Variants in FRY observed in about 807,000 individuals in gnomAD.
FRY encodes the protein protein furry homolog.
FRY carries 128 observed loss-of-function variants against 348.4 expected under a neutral mutation model. The ratio of observed to expected loss-of-function variants is 0.37; its 90% CI spans 0.32 to 0.43. FRY has a LOEUF of 0.43. Ranked by LOEUF, FRY falls within the 20% of genes least tolerant of loss-of-function variation. The pLI is 1.00. For missense variants in FRY, 2,736 were observed against 3,695.2 expected (o/e 0.74, Z 6.73); for synonymous variants, 1,370 against 1,374.7 (o/e 1.00, Z 0.08).
At chr13:32,056,428 G>A (rs1873626168) in intron 1 of FRY, among the ~76,000 whole-genome samples, 1 of 152,134 alleles carries the variant, frequency 6.6e-6, no homozygotes, top group South Asian at 2.1e-4. Flanking sequence ...TTTGTTTGCT[G>A]GATATGTCTT....
chr13:32,219,500 T>A (rs1308055621), intron 36 of FRY, among the ~76,000 whole-genome samples: 1 of 150,148 alleles, frequency 6.7e-6, no homozygotes, highest in Non-Finnish European at 1.5e-5. Context: ...GGCTCACGCC[T>A]GTAATCCCAG....
chr13:32,248,593 C>T (rs1886919944), intron 48 of FRY, among the ~76,000 whole-genome samples: 1 of 152,070 alleles, frequency 6.6e-6, no homozygotes, highest in Non-Finnish European at 1.5e-5. Flanking sequence ...TTATGTAGGT[C>T]ATATCCAAGT....
intron 46 of FRY, among the ~76,000 whole-genome samples, chr13:32,241,387 A>G (rs1450698538): frequency 6.6e-6 from 1 of 152,242 alleles, no homozygotes; most frequent in Non-Finnish European, 1.5e-5. Flanking sequence ...GCTAAGTGAA[A>G]TAGGCCAGAG....
chr13:32,084,083 G>A (rs561708560), intron 2 of FRY, among the ~76,000 whole-genome samples: 121 of 151,982 alleles, frequency 8.0e-4, no homozygotes, highest in African/African-American at 2.7e-3. Context: ...CACTTACTCC[G>A]TGTGAGCTTT....
At position 32,267,703 on chromosome 13, in the gene FRY, T is replaced by G. The variant is rs1268574802; in HGVS notation, c.8136+344T>G. 2.6e-5 allele frequency among the ~76,000 whole-genome samples: 4 copies of G among 152,322 alleles called. No homozygotes were observed. In the East Asian group the frequency reaches 5.8e-4, roughly 22 times the overall value. On this transcript the variant is annotated intron_variant, in intron 55 of 60. Transcript: ENST00000542859. ...ATCCCACCCCCCTTTACCTCTCTTT[T>G]GTTTTTATTATTTTTATCTTTCCTT...
chr13:32,155,301 A>C (rs1881045337), intron 14 of FRY, among the ~76,000 whole-genome samples, 190 bp from the exon 15 acceptor site: 1 of 152,212 alleles, frequency 6.6e-6, no homozygotes, highest in Non-Finnish European at 1.5e-5. Flanking sequence ...GTTTTCTTAT[A>C]ATGCAACAAG....
intron 29 of FRY, among the ~76,000 whole-genome samples, chr13:32,198,481 G>A (rs546183358): frequency 1.1e-4 from 16 of 152,120 alleles, no homozygotes; most frequent in Non-Finnish European, 1.8e-4. Context: ...ATGCACTATC[G>A]TGGGCTGTCT....
intron 4 of FRY, among the ~76,000 whole-genome samples, chr13:32,120,277 C>T (rs1268380148): frequency 2.6e-5 from 4 of 151,908 alleles, no homozygotes; most frequent in African/African-American, 7.3e-5. Flanking sequence ...AATTTTATGC[C>T]AGACTGTTCC....
intron 2 of FRY, among the ~76,000 whole-genome samples, chr13:32,091,537 C>T (rs913689867): frequency 7.2e-5 from 11 of 152,172 alleles, no homozygotes; most frequent in East Asian, 1.9e-4. Context: ...TTGGTTCATA[C>T]GAAGTAGAGT....
At chr13:32,186,037 C>T (rs1719761092) in intron 26 of FRY, among the ~76,000 whole-genome samples, 1 of 152,158 alleles carries the variant, frequency 6.6e-6, no homozygotes, top group Non-Finnish European at 1.5e-5. Flanking sequence ...ATCTTTCTTT[C>T]CCACTCTGAG....
At chr13:32,120,771 C>T (rs1198950695) in intron 4 of FRY, among the ~76,000 whole-genome samples, 1 of 152,232 alleles carries the variant, frequency 6.6e-6, no homozygotes, top group Non-Finnish European at 1.5e-5. Flanking sequence ...AAGTGATTCT[C>T]CTGCCTCAGC....
chr13:32,087,085 A>T (rs182574838), intron 2 of FRY, among the ~76,000 whole-genome samples: 15 of 152,350 alleles, frequency 9.8e-5, no homozygotes, highest in African/African-American at 3.6e-4. Context: ...GTTTGCTAAC[A>T]TGAAAGAAGT....
chr13:32,292,020 T>A (rs769544926), intron 59 of FRY: 3 of 451,956 alleles, frequency 6.6e-6, no homozygotes, highest in Non-Finnish European at 1.3e-5. Context: ...TTGCACTCTG[T>A]TGCCCAGGCT....
At chr13:32,238,615 C>T (rs1358457274) in intron 44 of FRY, among the ~76,000 whole-genome samples, 1 of 152,060 alleles carries the variant, frequency 6.6e-6, no homozygotes, top group East Asian at 1.9e-4. Flanking sequence ...CCACGCCCAG[C>T]TAAGTTTTGT....
intron 1 of FRY, among the ~76,000 whole-genome samples, chr13:32,076,588 T>C (rs749633579): frequency 8.5e-5 from 13 of 152,206 alleles, no homozygotes; most frequent in Non-Finnish European, 1.8e-4. Context: ...TTAATGACTC[T>C]TCTATCACAA....
At chr13:32,211,847 C>T (rs1452796461) in intron 34 of FRY, among the ~76,000 whole-genome samples, 2 of 152,120 alleles carry the variant, frequency 1.3e-5, no homozygotes, top group African/African-American at 4.8e-5. Flanking sequence ...CTCCTCTGTT[C>T]GCCCTACACC....
intron 22 of FRY, among the ~76,000 whole-genome samples, chr13:32,179,337 C>T (rs1331671146): frequency 6.6e-6 from 1 of 152,170 alleles, no homozygotes; most frequent in Non-Finnish European, 1.5e-5. Context: ...ATTTCTTTCA[C>T]TCCTCACTGA....
chr13:32,144,904 G>T (rs147354066), intron 11 of FRY, among the ~76,000 whole-genome samples: 2 of 152,266 alleles, frequency 1.3e-5, no homozygotes, highest in African/African-American at 4.8e-5. Context: ...AGAGTCAGGG[G>T]ACACTCAGGA....
At chr13:32,068,183 A>T (rs1874379234) in intron 1 of FRY, among the ~76,000 whole-genome samples, 2 of 152,070 alleles carry the variant, frequency 1.3e-5, no homozygotes, top group South Asian at 4.1e-4. Flanking sequence ...TGTCCAAATA[A>T]TCTACACATT....
Sources: gnomAD v4.1 joint callset for allele counts (sites outside exome capture counted in the v4.1 genomes callset) on GRCh38, gnomAD v4.1.1 for gene constraint, MANE v1.5 for transcripts, NCBI Gene and HGNC (gene_info 2026-07-23, HGNC 2026-07-21) for gene names.